IL17RD: variants seen among roughly 807,000 people sequenced by gnomAD.
The protein encoded by IL17RD is interleukin 17 receptor D, also known as interleukin-17 receptor D.
Under a neutral mutation model 80.5 loss-of-function variants are expected in IL17RD, and 52 were observed. The ratio of observed to expected loss-of-function variants is 0.65; its 90% CI spans 0.52 to 0.81. The LOEUF (loss-of-function observed/expected upper bound fraction) is 0.81, where lower values mean the gene tolerates loss of function less well. Among genes scored for constraint, IL17RD ranks in the 40% least tolerant of loss-of-function variants. The pLI is 0.00. For missense variants in IL17RD, 1,024 were observed against 955.1 expected, an observed-to-expected ratio of 1.07 and a Z score of -0.95; for synonymous variants, 416 against 391.8, an observed-to-expected ratio of 1.06 and a Z score of -0.73.
Position 57,097,930 on chromosome 3 carries a change from G to T in IL17RD, c.1773C>A (p.Val591=), listed in dbSNP as rs1321901042. ...KFDSGLVLND[V]MCKPGPESDF... is the part of the protein sequence containing the mutation. ...CACTCTCAGGCCCTGGTTTGCACAT[G>T]ACATCATTTAAAACCAAGCCCGAAT... Residue 591 remains valine, a synonymous_variant, in exon 12 of 13, where the codon GTC becomes GTA. Transcript: ENST00000296318. 3.7e-6 allele frequency: 6 copies of T among 1,613,910 alleles called. No homozygotes were observed. Among genetic ancestry groups the T allele is most frequent in the Non-Finnish European group, 4.2e-6 (5 of 1,179,912 alleles).
chr3:57,135,563 C>T (rs746309908), intron 1 of IL17RD, among the ~76,000 whole-genome samples: 4 of 152,188 alleles, frequency 2.6e-5, no homozygotes, highest in East Asian at 1.9e-4. Flanking sequence ...CTCTTCCAGA[C>T]GGTCTTTACT....
intron 1 of IL17RD, among the ~76,000 whole-genome samples, chr3:57,129,515 A>G (rs1268026853): frequency 6.6e-6 from 1 of 152,192 alleles, no homozygotes; most frequent in Non-Finnish European, 1.5e-5. Context: ...ACAGGGACTG[A>G]GTCTCCAAAT....
intron 1 of IL17RD, among the ~76,000 whole-genome samples, chr3:57,124,813 A>C (rs1707415289): frequency 6.6e-6 from 1 of 152,194 alleles, no homozygotes. Context: ...CCTCCATGTC[A>C]CACACACGGC....
At chr3:57,155,214 C>G (rs1462137307) in intron 1 of IL17RD, among the ~76,000 whole-genome samples, 2 of 152,250 alleles carry the variant, frequency 1.3e-5, no homozygotes, top group Non-Finnish European at 2.9e-5. Flanking sequence ...AAGTTTCATA[C>G]AAACTGAGGG....
intron 3 of IL17RD, among the ~76,000 whole-genome samples, chr3:57,114,051 G>C (rs1032360872): frequency 6.8e-6 from 1 of 146,490 alleles, no homozygotes; most frequent in Non-Finnish European, 1.5e-5. Context: ...GGGTGTGGTG[G>C]TGGGCACTTA....
At chr3:57,163,064 G>C (rs1179162321) in intron 1 of IL17RD, among the ~76,000 whole-genome samples, 1 of 152,174 alleles carries the variant, frequency 6.6e-6, no homozygotes, top group Non-Finnish European at 1.5e-5. Context: ...AGAAGGGTAG[G>C]GGGTGAGGCT....
Position 57,097,915 on chromosome 3 carries a change from C to A in IL17RD, c.1788G>T (p.Gly596=), listed in dbSNP as rs1706724294. 6.2e-7 allele frequency: 1 copy of A among 1,614,022 alleles called. No individual in the cohort carries two copies. Among genetic ancestry groups the A allele is most frequent in the South Asian group, 1.1e-5 (1 of 91,090 alleles). The part of the protein sequence containing the change: ...LVLNDVMCKP[G]PESDFCLKVE... ...CCTTTAGGCAGAAGTCACTCTCAGG[C>A]CCTGGTTTGCACATGACATCATTTA... The change falls in exon 12 of 13, where the codon GGG becomes GGT. Residue 596 remains glycine (G), a synonymous_variant. Coordinates refer to ENST00000296318, the MANE Select transcript of IL17RD (RefSeq NM_017563.5).
At chr3:57,139,659 C>T (rs374807084) in intron 1 of IL17RD, among the ~76,000 whole-genome samples, 18 of 151,940 alleles carry the variant, frequency 1.2e-4, no homozygotes, top group Admixed American at 3.3e-4. Flanking sequence ...AGTACAGGCA[C>T]GTGCCACCAC....
intron 1 of IL17RD, among the ~76,000 whole-genome samples, chr3:57,148,371 T>C (rs927346731): frequency 8.6e-5 from 13 of 151,388 alleles, no homozygotes; most frequent in Non-Finnish European, 1.9e-4. Context: ...GACCCACTAA[T>C]TTTAAACCTA....
At chr3:57,098,606 G>A in intron 11 of IL17RD, 68 bp from the exon 12 acceptor site, 1 of 1,062,938 alleles carries the variant, frequency 9.4e-7, no homozygotes, top group Non-Finnish European at 1.4e-6. Flanking sequence ...GTGAGTAACA[G>A]GAAGGGAAAT....
intron 1 of IL17RD, among the ~76,000 whole-genome samples, chr3:57,163,180 A>G (rs2060317381): frequency 6.6e-6 from 1 of 152,220 alleles, no homozygotes; most frequent in Non-Finnish European, 1.5e-5. Context: ...ATGAGCCTGG[A>G]ATCTGGAACA....
intron 1 of IL17RD, among the ~76,000 whole-genome samples, chr3:57,154,091 A>G (rs1559486339): frequency 6.6e-6 from 1 of 151,754 alleles, no homozygotes; most frequent in Non-Finnish European, 1.5e-5. Context: ...ACAAAAAAAA[A>G]GTAAAAAAAT....
chr3:57,169,283 G>T (rs1196673459), upstream of IL17RD: 1 of 515,518 alleles, frequency 1.9e-6, no homozygotes, highest in Non-Finnish European at 3.9e-6. Context: ...GCCACTCCTC[G>T]TGGTGAGAGG....
Position 57,106,339 on chromosome 3 carries a change from T to C in IL17RD, c.551-185A>G, listed in dbSNP as rs575686289. On this transcript the variant is annotated intron_variant, in intron 5 of 12. Transcript: ENST00000296318. ...TCTTATGAAAATTTAAATGGTATAA[T>C]ATAAAAATATTAATGCAGTTCACTT... Among the ~76,000 whole-genome samples the C allele has an allele frequency of 7.9e-4, 121 of 152,326 alleles. 3 individuals carry two copies. In the South Asian group the frequency reaches 0.024, roughly 30 times the overall value.
intron 5 of IL17RD, 32 bp from the exon 6 acceptor site, chr3:57,106,186 T>G: frequency 6.4e-7 from 1 of 1,555,194 alleles, no homozygotes; most frequent in Non-Finnish European, 8.8e-7. Flanking sequence ...ATGTTTTTAG[T>G]TTTAGGACAG....
chr3:57,154,445 T>C (rs1276841996), intron 1 of IL17RD, among the ~76,000 whole-genome samples: 2 of 152,002 alleles, frequency 1.3e-5, no homozygotes, highest in Non-Finnish European at 2.9e-5. Flanking sequence ...ACCCCCATCC[T>C]TTTTTAATGA....
At chr3:57,154,203 T>G (rs2060251091) in intron 1 of IL17RD, among the ~76,000 whole-genome samples, 1 of 150,816 alleles carries the variant, frequency 6.6e-6, no homozygotes, top group Non-Finnish European at 1.5e-5. Flanking sequence ...GAGCTATAAT[T>G]GCATGACTGC....
chr3:57,151,196 C>T (rs1014392477), intron 1 of IL17RD, among the ~76,000 whole-genome samples: 2 of 152,142 alleles, frequency 1.3e-5, no homozygotes, highest in African/African-American at 2.4e-5. Flanking sequence ...CTGTCCACTG[C>T]TTGCCAGTTT....
intron 1 of IL17RD, among the ~76,000 whole-genome samples, chr3:57,126,812 T>C (rs890310040): frequency 4.6e-5 from 7 of 152,144 alleles, no homozygotes; most frequent in African/African-American, 1.7e-4. Flanking sequence ...TAAGAGCATT[T>C]GCACAAAGAA....
Sources: allele counts gnomAD v4.1 joint callset (sites outside exome capture counted in the v4.1 genomes callset), GRCh38; gene constraint gnomAD v4.1.1; transcripts MANE v1.5; gene names NCBI Gene and HGNC (gene_info 2026-07-23, HGNC 2026-07-21).